TRMT61B: variants seen among roughly 807,000 people sequenced by gnomAD.
TRMT61B encodes the protein tRNA methyltransferase 61B.
A neutral mutation model predicts 52.0 loss-of-function variants in TRMT61B; 56 were observed. That is an observed-to-expected ratio of 1.08 (90% CI 0.87 to 1.35). The LOEUF (loss-of-function observed/expected upper bound fraction) is 1.35, where lower values mean the gene tolerates loss of function less well. Ranked by LOEUF, TRMT61B falls within the 40% of genes most tolerant of loss-of-function variation. TRMT61B has a pLI of 0.00. For missense variants in TRMT61B, 650 were observed against 577.9 expected (o/e 1.12, Z -1.28); for synonymous variants, 206 against 220.0 (o/e 0.94, Z 0.56).
Position 28,869,735 on chromosome 2 carries a change from A to G in TRMT61B, c.543T>C (p.Asn181=), listed in dbSNP as rs969937904. Residue 181 remains asparagine (N), a synonymous_variant, in exon 1 of 7, where the codon AAT becomes AAC. Coordinates refer to ENST00000306108, the MANE Select transcript of TRMT61B (RefSeq NM_017910.4). ...LFRLNNFGLL[N]SNWGAVPFGK... ...CGAACGGGACTGCCCCCCAGTTACTATTTAAGAGTCCGAAGTTGTTCAACC... is the reference window on the plus strand; with the variant it reads ...CGAACGGGACTGCCCCCCAGTTACTGTTTAAGAGTCCGAAGTTGTTCAACC... The G allele has an allele frequency of 2.5e-5, 40 of 1,614,058 alleles. No homozygotes were observed. Among genetic ancestry groups the G allele is most frequent in the Non-Finnish European group, 2.7e-5 (32 of 1,180,044 alleles).
At chr2:28,865,504 T>C (rs1481877139) in intron 1 of TRMT61B, among the ~76,000 whole-genome samples, 1 of 152,082 alleles carries the variant, frequency 6.6e-6, no homozygotes, top group African/African-American at 2.4e-5. Context: ...TATGAGGCAT[T>C]AGAACTCAGC....
At chr2:28,860,318 C>A (rs1669550448) in intron 3 of TRMT61B, among the ~76,000 whole-genome samples, 1 of 137,034 alleles carries the variant, frequency 7.3e-6, no homozygotes. Context: ...ATTTTCTCTC[C>A]TCTTTGAACT....
chr2:28,852,795 T>C (rs1019290312), intron 3 of TRMT61B, among the ~76,000 whole-genome samples: 1 of 150,532 alleles, frequency 6.6e-6, no homozygotes, highest in African/African-American at 2.4e-5. Context: ...CTGACTCTAT[T>C]GAAAAAAAAA....
At chr2:28,859,270 G>C (rs147972440) in intron 3 of TRMT61B, among the ~76,000 whole-genome samples, 14,202 of 151,840 alleles carry the variant, frequency 0.094, 954 homozygotes, top group Middle Eastern at 0.2. Flanking sequence ...TAGTAGAGAC[G>C]GGGTTTCACC....
intron 1 of TRMT61B, 56 bp downstream of exon 1, chr2:28,869,523 T>G: frequency 8.3e-7 from 1 of 1,207,190 alleles, no homozygotes; most frequent in East Asian, 2.3e-5. Flanking sequence ...GACTGAGTAC[T>G]GCATCTGTCT....
At chr2:28,858,524 G>A (rs1271371116) in intron 3 of TRMT61B, among the ~76,000 whole-genome samples, 3 of 151,686 alleles carry the variant, frequency 2.0e-5, no homozygotes, top group African/African-American at 7.3e-5. Context: ...GTCAGGTGCC[G>A]TGGCTCACGC....
chr2:28,855,830 G>A (rs1326393735), intron 3 of TRMT61B, among the ~76,000 whole-genome samples: 1 of 152,140 alleles, frequency 6.6e-6, no homozygotes, highest in African/African-American at 2.4e-5. Context: ...AATTAGCTGG[G>A]CATGGTGGCG....
intron 1 of TRMT61B, among the ~76,000 whole-genome samples, 186 bp from the exon 2 acceptor site, chr2:28,865,305 G>A: frequency 6.6e-6 from 1 of 152,124 alleles, no homozygotes; most frequent in East Asian, 1.9e-4. Flanking sequence ...AACAAATAAG[G>A]CAACACTTCA....
chr2:28,870,295 C>T lies in TRMT61B; in HGVS notation c.-18G>A. The T allele has an allele frequency of 6.6e-7, 1 of 1,521,368 alleles. No individual in the cohort carries two copies. The allele number at this position is 1,521,368 out of a possible 1,614,324, so 94.2% of individuals were successfully genotyped here. A position where few individuals can be genotyped will look rare whatever the true frequency, so the allele number is the denominator to read the frequency against. On this transcript the variant is annotated 5_prime_UTR_variant, in exon 1 of 7. Coordinates refer to ENST00000306108, the MANE Select transcript of TRMT61B (RefSeq NM_017910.4). ...ATTAGCATAGTGTTTCGCGAAGGCG[C>T]CGTCGCAGACGAGTGACGCAAGCCT...
At chr2:28,858,993 C>G (rs1669476139) in intron 3 of TRMT61B, among the ~76,000 whole-genome samples, 1 of 150,914 alleles carries the variant, frequency 6.6e-6, no homozygotes, top group African/African-American at 2.4e-5. Flanking sequence ...CTCCCAGGTT[C>G]AAGCGATTCT....
At chr2:28,854,770 A>C (rs60790187) in intron 3 of TRMT61B, among the ~76,000 whole-genome samples, 2 of 109,416 alleles carry the variant, frequency 1.8e-5, no homozygotes, top group Admixed American at 1.0e-4. Context: ...AAAAAAAAAA[A>C]ACTGCCAGGC....
chr2:28,856,233 G>C (rs1368547812), intron 3 of TRMT61B, among the ~76,000 whole-genome samples: 1 of 152,072 alleles, frequency 6.6e-6, no homozygotes, highest in Non-Finnish European at 1.5e-5. Flanking sequence ...TCTTTACCTT[G>C]AATTCTCTTT....
chr2:28,851,524 T>G (rs1278032273), intron 4 of TRMT61B, among the ~76,000 whole-genome samples: 2 of 152,210 alleles, frequency 1.3e-5, no homozygotes, highest in East Asian at 3.8e-4. Context: ...TTTTAAAACA[T>G]TTCTTCCAGA....
intron 4 of TRMT61B, among the ~76,000 whole-genome samples, chr2:28,851,894 A>C (rs1484545706): frequency 8.7e-5 from 13 of 149,440 alleles, no homozygotes; most frequent in Non-Finnish European, 1.6e-4. Context: ...AAAAAAAAAA[A>C]AAAAAAACGA....
In TRMT61B at chr2:28,870,246, A is replaced by G. The variant is rs781326892; in HGVS notation, c.32T>C (p.Leu11Ser). 7 of 1,602,538 alleles carry G rather than the reference A, an allele frequency of 4.4e-6. No homozygotes were observed. The Admixed American group carries it at 8.6e-5, about 20-fold the overall frequency. Residue 11 changes from leucine to serine, a missense_variant, in exon 1 of 7, where the codon TTG (leucine) becomes TCG (serine). Leu to Ser is a moderately radical substitution (Grantham distance 145). Coordinates refer to ENST00000306108, the MANE Select transcript of TRMT61B (RefSeq NM_017910.4). MLMAWCRGPV[L>S]LCLRQGLGTN... ...TCCGAGCCCCTGCCGCAGGCACAGCAAGACAGGACCGCGGCACCATGCCAT... is the reference window on the plus strand; with the variant it reads ...TCCGAGCCCCTGCCGCAGGCACAGCGAGACAGGACCGCGGCACCATGCCAT...
At chr2:28,855,807 A>G (rs1228612712) in intron 3 of TRMT61B, among the ~76,000 whole-genome samples, 3 of 152,074 alleles carry the variant, frequency 2.0e-5, no homozygotes, top group Non-Finnish European at 2.9e-5. Flanking sequence ...TGTCTCTACT[A>G]AAGATACAAA....
intron 3 of TRMT61B, among the ~76,000 whole-genome samples, chr2:28,853,718 C>A (rs551532973): frequency 1.8e-4 from 28 of 152,176 alleles, no homozygotes; most frequent in African/African-American, 6.7e-4. Context: ...CACCTATAGT[C>A]CCAGCTACTG....
At chr2:28,854,333 G>A (rs948738460) in intron 3 of TRMT61B, among the ~76,000 whole-genome samples, 1 of 152,122 alleles carries the variant, frequency 6.6e-6, no homozygotes, top group African/African-American at 2.4e-5. Flanking sequence ...CAGAATAGGC[G>A]TGGTAACTCA....
chr2:28,854,785 T>C (rs1669273716), intron 3 of TRMT61B, among the ~76,000 whole-genome samples: 1 of 125,178 alleles, frequency 8.0e-6, no homozygotes. Flanking sequence ...CCAGGCGTGG[T>C]GGCATGCTCC....
Sources: gnomAD v4.1 joint callset for allele counts (sites outside exome capture counted in the v4.1 genomes callset) on GRCh38, gnomAD v4.1.1 for gene constraint, MANE v1.5 for transcripts, NCBI Gene and HGNC (gene_info 2026-07-23, HGNC 2026-07-21) for gene names.